The following LRFN5 variants were observed in gnomAD, a reference collection of about 807,000 sequenced individuals.
LRFN5 encodes leucine-rich repeat and fibronectin type-III domain-containing protein 5.
LRFN5 carries 24 observed loss-of-function variants against 45.6 expected under a neutral mutation model. That is an observed-to-expected ratio of 0.53 (90% CI 0.38 to 0.74). LRFN5 has a LOEUF of 0.74. Among genes scored for constraint, LRFN5 ranks in the 30% least tolerant of loss-of-function variants. LRFN5 has a pLI of 0.00. For synonymous variants in LRFN5, 340 were observed against 313.8 expected (o/e 1.08, Z -0.88); for missense variants, 776 against 861.5 (o/e 0.90, Z 1.24).
intron 2 of LRFN5, among the ~76,000 whole-genome samples, chr14:41,879,658 T>G (rs1890305718): frequency 6.6e-6 from 1 of 151,464 alleles, no homozygotes; most frequent in African/African-American, 2.4e-5. Context: ...ATTACTTTTA[T>G]GAGAGGATTT....
At chr14:41,611,353 AGG>A (rs1887750625) in intron 1 of LRFN5, among the ~76,000 whole-genome samples, 1 of 152,152 alleles carries the variant, frequency 6.6e-6, no homozygotes, top group Non-Finnish European at 1.5e-5. Flanking sequence ...AAAAATGGAG[AGG>A]GTACAAGTTA....
At chr14:41,884,673 C>G (rs982342049) in intron 2 of LRFN5, among the ~76,000 whole-genome samples, 1 of 152,072 alleles carries the variant, frequency 6.6e-6, no homozygotes, top group Non-Finnish European at 1.5e-5. Flanking sequence ...CTCCCCTTAA[C>G]GATCTCCACC....
chr14:41,636,685 C>T (rs1389012150), intron 1 of LRFN5, among the ~76,000 whole-genome samples: 3 of 151,998 alleles, frequency 2.0e-5, no homozygotes, highest in African/African-American at 7.3e-5. Flanking sequence ...GTTTACTGTG[C>T]ACTGGTTACC....
At chr14:41,675,969 T>C (rs1277433629) in intron 1 of LRFN5, among the ~76,000 whole-genome samples, 1 of 152,148 alleles carries the variant, frequency 6.6e-6, no homozygotes, top group Non-Finnish European at 1.5e-5. Context: ...ACTTGCTTCG[T>C]TATTACCACC....
chr14:41,893,443 C>A (rs1161308903), intron 4 of LRFN5: 2 of 984,926 alleles, frequency 2.0e-6, no homozygotes, highest in Non-Finnish European at 1.2e-6. Flanking sequence ...CATTGCTTTG[C>A]ACAAAAGAAA....
At chr14:41,664,863 C>G (rs1880823884) in intron 1 of LRFN5, among the ~76,000 whole-genome samples, 1 of 151,812 alleles carries the variant, frequency 6.6e-6, no homozygotes, top group African/African-American at 2.4e-5. Flanking sequence ...ATGGGCCACA[C>G]AAATCAATAC....
At chr14:41,639,754 C>T (rs1394441353) in intron 1 of LRFN5, among the ~76,000 whole-genome samples, 1 of 151,722 alleles carries the variant, frequency 6.6e-6, no homozygotes, top group Non-Finnish European at 1.5e-5. Context: ...ACATTCTTGT[C>T]TTTACTTTTA....
chr14:41,749,157 G>A (rs1013571897), intron 1 of LRFN5, among the ~76,000 whole-genome samples: 3 of 151,930 alleles, frequency 2.0e-5, no homozygotes, highest in South Asian at 2.1e-4. Flanking sequence ...CCTCTTAAAG[G>A]CCTCACCTCT....
intron 1 of LRFN5, among the ~76,000 whole-genome samples, chr14:41,675,178 G>C (rs1409314877): frequency 7.2e-5 from 11 of 152,162 alleles, no homozygotes; most frequent in African/African-American, 2.4e-4. Context: ...AGGCAGAGAC[G>C]CTCCTCACTT....
chr14:41,781,675 A>G (rs1886531306), intron 2 of LRFN5, among the ~76,000 whole-genome samples: 2 of 151,474 alleles, frequency 1.3e-5, no homozygotes, highest in African/African-American at 4.8e-5. Flanking sequence ...GGAAAGAAAG[A>G]AAGAAAGAGA....
At chr14:41,674,930 G>A (rs1284674698) in intron 1 of LRFN5, among the ~76,000 whole-genome samples, 2 of 151,612 alleles carry the variant, frequency 1.3e-5, no homozygotes, top group Non-Finnish European at 2.9e-5. Flanking sequence ...AGACGGGGTC[G>A]CGGCCGGGTA....
At chr14:41,796,131 C>T (rs1887121403) in intron 2 of LRFN5, among the ~76,000 whole-genome samples, 1 of 151,704 alleles carries the variant, frequency 6.6e-6, no homozygotes, top group Non-Finnish European at 1.5e-5. Flanking sequence ...ACAAAATGTT[C>T]TTTATATTTT....
chr14:41,752,370 C>T (rs1167459353), intron 1 of LRFN5, among the ~76,000 whole-genome samples: 1 of 152,204 alleles, frequency 6.6e-6, no homozygotes, highest in African/African-American at 2.4e-5. Flanking sequence ...AACTAGTTTA[C>T]AGTCCCACCA....
chr14:41,791,055 AT>A, intron 2 of LRFN5, among the ~76,000 whole-genome samples: 1 of 151,864 alleles, frequency 6.6e-6, no homozygotes, highest in African/African-American at 2.4e-5. Context: ...TACTCTATAT[AT>A]TTTGTTGCTA....
At chr14:41,773,325 G>T (rs1339648364) in intron 2 of LRFN5, among the ~76,000 whole-genome samples, 1 of 151,930 alleles carries the variant, frequency 6.6e-6, no homozygotes, top group Non-Finnish European at 1.5e-5. Context: ...AAGTTTTCTT[G>T]GTCAGCCAAA....
chr14:41,720,385 C>T (rs146991214), intron 1 of LRFN5, among the ~76,000 whole-genome samples: 14 of 152,142 alleles, frequency 9.2e-5, no homozygotes, highest in Non-Finnish European at 2.1e-4. Context: ...GTTAGTAGAA[C>T]AGCAATGAAC....
At chr14:41,704,436 C>CTGTGTGTGTGTGTGTGTGTGTG (rs1430752309) in intron 1 of LRFN5, among the ~76,000 whole-genome samples, 18 of 89,522 alleles carry the variant, frequency 2.0e-4, no homozygotes, top group African/African-American at 9.7e-4. Context: ...CTCTCTCTCT[C>CTGTGTGTGTGTGTGTGTGTGTG]TCTCTCTCTC....
At chr14:41,625,569 A>G (rs750096529) in intron 1 of LRFN5, among the ~76,000 whole-genome samples, 3 of 152,202 alleles carry the variant, frequency 2.0e-5, no homozygotes, top group Non-Finnish European at 4.4e-5. Flanking sequence ...AATAGTATAC[A>G]GGTATGGCAT....
chr14:41,831,885 C>T (rs144524464), intron 2 of LRFN5, among the ~76,000 whole-genome samples: 3 of 152,182 alleles, frequency 2.0e-5, no homozygotes, highest in East Asian at 3.9e-4. Context: ...GATCAAGGTG[C>T]CCACAAGTTC....
Sources: gnomAD v4.1 joint callset for allele counts (sites outside exome capture counted in the v4.1 genomes callset) on GRCh38, gnomAD v4.1.1 for gene constraint, MANE v1.5 for transcripts, NCBI Gene and HGNC (gene_info 2026-07-23, HGNC 2026-07-21) for gene names.